Variants in SELENOP observed in about 807,000 individuals in gnomAD.
SELENOP encodes selenoprotein P, also known as selenoprotein P, plasma, 1.
In SELENOP, 36 loss-of-function variants were observed where a neutral mutation model predicts 41.0. That is an observed-to-expected ratio of 0.88 (90% CI 0.67 to 1.16). SELENOP has a LOEUF of 1.16. SELENOP is among the 50% of genes most tolerant of loss of function. The pLI, the probability that SELENOP is intolerant of heterozygous loss-of-function variation, is 0.00. For missense variants in SELENOP, 440 were observed against 454.2 expected (o/e 0.97, Z 0.28); for synonymous variants, 144 against 150.8 (o/e 0.95, Z 0.33).
chr5:42,803,730 GC>G (rs1561284002), intron 4 of SELENOP, among the ~76,000 whole-genome samples: 1 of 152,126 alleles, frequency 6.6e-6, no homozygotes. Flanking sequence ...TTCTTTGAGT[GC>G]CTTTTTTATT....
In SELENOP at chr5:42,804,649, A is replaced by C; in HGVS notation, c.534+7T>G. ...TTTCTCCCCAGAAAAATAATTCAGA[A>C]AAATACCGTGAGAGAGCAGTTTCCA... On this transcript the variant is annotated splice_region_variant and intron_variant, in intron 4 of 4. Coordinates refer to ENST00000514985, the MANE Select transcript of SELENOP (RefSeq NM_005410.4). 6.8e-7 allele frequency: 1 copy of C among 1,476,808 alleles called. No individual in the cohort carries two copies. The highest frequency in any genetic ancestry group is 9.3e-7 in the Non-Finnish European group (1 of 1,069,866). The allele number at this position is 1,476,808 out of a possible 1,614,324, so 91.5% of individuals were successfully genotyped here.
chr5:42,809,225 CAATT>C (rs1432422537), intron 1 of SELENOP, among the ~76,000 whole-genome samples: 2 of 152,198 alleles, frequency 1.3e-5, no homozygotes, highest in Admixed American at 1.3e-4. Flanking sequence ...AATCCACACT[CAATT>C]AGCCTATTTA....
At chr5:42,810,821 C>A in intron 1 of SELENOP, 1 of 1,008,450 alleles carries the variant, frequency 9.9e-7, no homozygotes, top group South Asian at 3.7e-5. Context: ...CACTCATTTC[C>A]CTCATTTAGG....
At chr5:42,801,685 G>C (rs897087913) in intron 4 of SELENOP, 3 of 279,050 alleles carry the variant, frequency 1.1e-5, no homozygotes, top group African/African-American at 4.3e-5. Context: ...GGGTGGCCGA[G>C]GGGGGCAGAT....
At chr5:42,810,716 C>A in intron 1 of SELENOP, 2 of 755,802 alleles carry the variant, frequency 2.6e-6, no homozygotes, top group Non-Finnish European at 1.8e-6. Flanking sequence ...CCTTGGCCTC[C>A]CAAAGTGCTG....
Position 42,800,204 on chromosome 5 carries a change from A to G in SELENOP, c.*516T>C, listed in dbSNP as rs988021551. ...TCTTAGATATACAAAAGATAAATGGATATTTAAAATAGTTATATATGCTTT... is the reference window on the plus strand; with the variant it reads ...TCTTAGATATACAAAAGATAAATGGGTATTTAAAATAGTTATATATGCTTT... On this transcript the variant is annotated 3_prime_UTR_variant, in exon 5 of 5. Transcript: ENST00000514985. The G allele has an allele frequency of 6.3e-6, 1 of 157,968 alleles. No homozygotes were observed. The highest frequency in any genetic ancestry group is 2.4e-5 in the African/African-American group (1 of 41,614). The allele number at this position is 157,968 out of a possible 1,614,324, so 9.8% of individuals were successfully genotyped here.
chr5:42,805,314 G>A (rs1760308259), intron 3 of SELENOP: 1 of 152,176 alleles, frequency 6.6e-6, no homozygotes, highest in South Asian at 2.1e-4. Context: ...GGGTTAAAAT[G>A]TTCTTCTTGC....
At chr5:42,802,695 C>T (rs1251217379) in intron 4 of SELENOP, among the ~76,000 whole-genome samples, 1 of 152,208 alleles carries the variant, frequency 6.6e-6, no homozygotes, top group Non-Finnish European at 1.5e-5. Flanking sequence ...ACTGCAACTT[C>T]CGCCTCCTAG....
At chr5:42,804,492 ATAAAG>A (rs1760287083) in intron 4 of SELENOP, among the ~76,000 whole-genome samples, 159 bp downstream of exon 4, 2 of 152,064 alleles carry the variant, frequency 1.3e-5, no homozygotes, top group Admixed American at 6.5e-5. Flanking sequence ...AAATAAATAA[ATAAAG>A]TAGAGGTTAG....
intron 4 of SELENOP, 66 bp from the exon 5 acceptor site, chr5:42,801,397 A>AT: frequency 1.6e-6 from 2 of 1,212,160 alleles, no homozygotes; most frequent in South Asian, 2.9e-5. Context: ...GTGAAAAATG[A>AT]TTTGTAGAGC....
At chr5:42,810,441 A>C (rs1210149040) in intron 1 of SELENOP, among the ~76,000 whole-genome samples, 1 of 152,092 alleles carries the variant, frequency 6.6e-6, no homozygotes, top group Non-Finnish European at 1.5e-5. Flanking sequence ...CACAGAGCAC[A>C]TATTTATTTA....
Position 42,800,830 on chromosome 5 carries a change from G to C in SELENOP, c.1036C>G (p.Arg346Gly). Residue 346 changes from arginine to glycine, a missense_variant, in exon 5 of 5, where the codon CGT (arginine) becomes GGT (glycine). Arg to Gly is a moderately radical substitution (Grantham distance 125). Coordinates refer to ENST00000514985, the MANE Select transcript of SELENOP (RefSeq NM_005410.4). ...ATTTGTCAGGCAGCTGGAGGCAAAC[G>C]TCACTGACAAGATTCAGTTATGTTC... ...EENITESCQU[R>G]LPPAAUQISQ... is the part of the protein sequence containing the mutation. 1 of 1,614,192 alleles carries C rather than the reference G, an allele frequency of 6.2e-7. No homozygotes were observed. The highest frequency in any genetic ancestry group is 1.1e-5 in the South Asian group (1 of 91,084).
rs779679796 is a variant in SELENOP at position 42,801,258 on chromosome 5, G to A, written c.608C>T (p.Pro203Leu). Residue 203 changes from proline (P) to leucine (L), a missense_variant, in exon 5 of 5, where the codon CCT (proline) becomes CTT (leucine). Transcript: ENST00000514985. ...TVDKTVETPSPHYHHEHHHNH... is the reference protein window; with the variant it reads ...TVDKTVETPSLHYHHEHHHNH... ...GTGATGATGCTCATGATGGTAATGA[G>A]GCGATGGAGTTTCAACTGTTTTATC... 1.2e-6 allele frequency: 2 copies of A among 1,614,100 alleles called. No homozygotes were observed. The highest frequency in any genetic ancestry group is 1.7e-6 in the Non-Finnish European group (2 of 1,180,008).
chr5:42,809,817 G>A (rs1296469477), intron 1 of SELENOP: 1 of 916,114 alleles, frequency 1.1e-6, no homozygotes, highest in Admixed American at 6.2e-5. Flanking sequence ...GAGAGGTAGA[G>A]AGAGAGGACA....
chr5:42,802,140 C>T (rs1760220543), intron 4 of SELENOP: 1 of 152,268 alleles, frequency 6.6e-6, no homozygotes, highest in South Asian at 2.1e-4. Context: ...TGTCTCCCTA[C>T]CATAAGGCTG....
Position 42,799,919 on chromosome 5 carries a change from C to T in SELENOP, c.*801G>A, listed in dbSNP as rs1409043350. On this transcript the variant is annotated 3_prime_UTR_variant, in exon 5 of 5. Transcript: ENST00000514985. The stretch of plus-strand genomic sequence containing the variant: ...TTTATTGAATTTATTTGGACAAATC[C>T]GTACTGTATCCAATTCTGTACTGCA... The T allele has an allele frequency of 2.4e-5, 22 of 929,878 alleles. No homozygotes were observed. Among genetic ancestry groups the T allele is most frequent in the Non-Finnish European group, 3.1e-5 (19 of 618,456 alleles). 57.6% of individuals were successfully genotyped at this position (929,878 alleles called of 1,614,324 possible).
chr5:42,810,483 G>A lies in SELENOP; in HGVS notation c.-14+1353C>T, dbSNP rs145619318. Reference sequence around the variant, plus strand: ...TATTTATTTATTTATTTTTTGAGACGGAGTCTTGCTCTGTTACCCAGGCTG... The same window carrying A: ...TATTTATTTATTTATTTTTTGAGACAGAGTCTTGCTCTGTTACCCAGGCTG... On this transcript the variant is annotated intron_variant, in intron 1 of 4. Coordinates refer to ENST00000514985, the MANE Select transcript of SELENOP (RefSeq NM_005410.4). 2.4e-4 allele frequency among the ~76,000 whole-genome samples: 37 copies of A among 151,696 alleles called. 3 individuals carry two copies. The highest frequency in any genetic ancestry group is 7.5e-4 in the African/African-American group (31 of 41,344).
Position 42,799,981 on chromosome 5 carries a change from G to T in SELENOP, c.*739C>A. The T allele has an allele frequency of 1.8e-6, 1 of 561,860 alleles. No individual in the cohort carries two copies. Among genetic ancestry groups the T allele is most frequent in the Non-Finnish European group, 3.0e-6 (1 of 333,422 alleles). The allele number at this position is 561,860 out of a possible 1,614,324, so 34.8% of individuals were successfully genotyped here. Reference sequence around the variant, plus strand: ...TAGTATTAACCATAAAGGAGGTCAGGTTTATAGGGTTTGGTTTACCTATTA... The same window carrying T: ...TAGTATTAACCATAAAGGAGGTCAGTTTTATAGGGTTTGGTTTACCTATTA... On this transcript the variant is annotated 3_prime_UTR_variant, in exon 5 of 5. Coordinates refer to ENST00000514985, the MANE Select transcript of SELENOP (RefSeq NM_005410.4).
Position 42,811,861 on chromosome 5 carries a change from CCTTT to C in SELENOP, c.-43_-40del, listed in dbSNP as rs1205210900. The C allele has an allele frequency of 1.3e-5, 2 of 152,214 alleles. No individual in the cohort carries two copies. Among genetic ancestry groups the C allele is most frequent in the Non-Finnish European group, 2.9e-5 (2 of 68,038 alleles). 9.4% of individuals were successfully genotyped at this position (152,214 alleles called of 1,614,324 possible). ...ACAACCACTTCCAACGGGCCTGCTTCCTTTCTCTTTGCTTTACTCTGGCAGCTCC... is the reference window on the plus strand; with the variant it reads ...ACAACCACTTCCAACGGGCCTGCTTCCTCTTTGCTTTACTCTGGCAGCTCC... On this transcript the variant is annotated 5_prime_UTR_variant, in exon 1 of 5. Coordinates refer to ENST00000514985, the MANE Select transcript of SELENOP (RefSeq NM_005410.4).
Sources: allele counts gnomAD v4.1 joint callset (sites outside exome capture counted in the v4.1 genomes callset), GRCh38; gene constraint gnomAD v4.1.1; transcripts MANE v1.5; gene names NCBI Gene and HGNC (gene_info 2026-07-23, HGNC 2026-07-21).